Variants in PPFIA2 observed in about 807,000 individuals in gnomAD.
PPFIA2 encodes liprin-alpha-2.
Under a neutral mutation model 175.5 loss-of-function variants are expected in PPFIA2, and 46 were observed. The ratio of observed to expected loss-of-function variants is 0.26; its 90% CI spans 0.21 to 0.34. PPFIA2 has a LOEUF of 0.34. PPFIA2 is among the 10% of genes least tolerant of loss of function. PPFIA2 has a pLI of 1.00. For synonymous variants in PPFIA2, 568 were observed against 511.4 expected (o/e 1.11, Z -1.49); for missense variants, 1,179 against 1,506.1 (o/e 0.78, Z 3.60).
Position 81,415,560 on chromosome 12 carries a change from C to T in PPFIA2, c.646-9657G>A, listed in dbSNP as rs1406222346. Among the ~76,000 whole-genome samples, 3 of 148,594 alleles carry T rather than the reference C, an allele frequency of 2.0e-5. No homozygotes were observed. In the Admixed American group the frequency reaches 2.1e-4, roughly 10 times the overall value. ...TATCTAAATACACATGGAATTCAAA[C>T]TCAGTTAGTTTATAATGATTAAAAA... On this transcript the variant is annotated intron_variant, in intron 7 of 32. Coordinates refer to ENST00000549396, the MANE Select transcript of PPFIA2 (RefSeq NM_003625.5).
At position 81,545,095 on chromosome 12, in the gene PPFIA2, A is replaced by T. The variant is rs118111493; in HGVS notation, c.304-87229T>A. ...CTTCACAGGTTTTAGAAATAAAACA[A>T]TACATTTTCAGCCTTCCACAGTAAT... is the stretch of plus-strand genomic sequence containing the variant. On this transcript the variant is annotated intron_variant, in intron 4 of 32. Coordinates refer to ENST00000549396, the MANE Select transcript of PPFIA2 (RefSeq NM_003625.5). Among the ~76,000 whole-genome samples the T allele has an allele frequency of 6.5e-3, 944 of 144,518 alleles. 6 individuals carry two copies. The highest frequency in any genetic ancestry group is 0.014 in the Admixed American group (203 of 14,256). 94.8% of individuals were successfully genotyped at this position (144,518 alleles called of 152,430 possible).
At chr12:81,571,163 C>T (rs537168851) in intron 4 of PPFIA2, among the ~76,000 whole-genome samples, 2 of 151,970 alleles carry the variant, frequency 1.3e-5, no homozygotes, top group Admixed American at 6.6e-5. Context: ...GAGAATGATT[C>T]CAGGATTGAA....
intron 7 of PPFIA2, among the ~76,000 whole-genome samples, chr12:81,411,539 G>C (rs1373821169): frequency 1.3e-5 from 2 of 152,170 alleles, no homozygotes; most frequent in South Asian, 4.1e-4. Context: ...ACAACTGGTA[G>C]TCTTGGCGGC....
At chr12:81,566,644 C>A (rs1415946842) in intron 4 of PPFIA2, among the ~76,000 whole-genome samples, 2 of 151,560 alleles carry the variant, frequency 1.3e-5, no homozygotes, top group Non-Finnish European at 2.9e-5. Flanking sequence ...TTAGAGAGTG[C>A]TCACTTCAAG....
chr12:81,317,479 C>T (rs150653644), intron 22 of PPFIA2, among the ~76,000 whole-genome samples: 3 of 148,444 alleles, frequency 2.0e-5, no homozygotes, highest in African/African-American at 7.4e-5. Context: ...ATGGCTTGAG[C>T]TGGAAAGAAG....
At chr12:81,699,079 A>G (rs2076211880) in intron 3 of PPFIA2, among the ~76,000 whole-genome samples, 1 of 152,098 alleles carries the variant, frequency 6.6e-6, no homozygotes, top group South Asian at 2.1e-4. Context: ...TCTATTATAA[A>G]ACCACAGAAA....
intron 4 of PPFIA2, among the ~76,000 whole-genome samples, chr12:81,597,257 T>A (rs1284233847): frequency 6.6e-6 from 1 of 152,114 alleles, no homozygotes; most frequent in Non-Finnish European, 1.5e-5. Context: ...TAGTTTAGAC[T>A]TAGCCATTTT....
chr12:81,460,889 C>T (rs1193933634), intron 4 of PPFIA2, among the ~76,000 whole-genome samples: 1 of 152,060 alleles, frequency 6.6e-6, no homozygotes, highest in Non-Finnish European at 1.5e-5. Context: ...AGTTACACAC[C>T]TAGTCCATGA....
chr12:81,587,027 C>A (rs2075390938), intron 4 of PPFIA2, among the ~76,000 whole-genome samples: 2 of 151,446 alleles, frequency 1.3e-5, no homozygotes, highest in South Asian at 4.2e-4. Context: ...TTTTTATTTT[C>A]CAATGGTTTA....
chr12:81,669,316 A>G (rs1412054070), intron 4 of PPFIA2, among the ~76,000 whole-genome samples: 1 of 151,918 alleles, frequency 6.6e-6, no homozygotes, highest in Non-Finnish European at 1.5e-5. Context: ...TCCTTTTTCC[A>G]TGCAGTATGC....
At chr12:81,592,902 T>C (rs1049188152) in intron 4 of PPFIA2, among the ~76,000 whole-genome samples, 35 of 136,618 alleles carry the variant, frequency 2.6e-4, no homozygotes, top group Admixed American at 1.6e-3. Flanking sequence ...ACCACAGGTG[T>C]GTACCACCAT....
intron 4 of PPFIA2, among the ~76,000 whole-genome samples, chr12:81,519,682 C>A (rs1430424670): frequency 6.6e-6 from 1 of 152,164 alleles, no homozygotes; most frequent in Non-Finnish European, 1.5e-5. Flanking sequence ...AACTAACATG[C>A]TCCTAAAACC....
At chr12:81,473,426 A>T (rs1216945430) in intron 4 of PPFIA2, among the ~76,000 whole-genome samples, 1 of 152,148 alleles carries the variant, frequency 6.6e-6, no homozygotes, top group Admixed American at 6.6e-5. Context: ...CAAACAAAAA[A>T]ATTCCATATT....
intron 7 of PPFIA2, among the ~76,000 whole-genome samples, chr12:81,416,773 C>T (rs1263304332): frequency 1.3e-5 from 2 of 151,606 alleles, no homozygotes; most frequent in Non-Finnish European, 3.0e-5. Context: ...TAAATGACAA[C>T]TGACTGCAGT....
chr12:81,613,414 A>G (rs996655607), intron 4 of PPFIA2, among the ~76,000 whole-genome samples: 45 of 152,120 alleles, frequency 3.0e-4, no homozygotes, highest in African/African-American at 1.1e-3. Context: ...TGTATTATGT[A>G]GTGCACTTTT....
rs770005433 is a variant in PPFIA2, at chr12:81,262,013, T to C, written c.3743A>G (p.Asp1248Gly). The change falls in exon 32 of 33, where the codon GAC (aspartate) becomes GGC (glycine). Residue 1248 changes from aspartate (D) to glycine (G), a missense_variant. Physicochemically the swap from Asp to Gly is moderately conservative, Grantham distance 94 (BLOSUM62 -1). Coordinates refer to ENST00000549396, the MANE Select transcript of PPFIA2 (RefSeq NM_003625.5). ...DVASSRLQRL[D>G]NSTVRTYSC ...TGAGTATGTGCGAACAGTGGAGTTG[T>C]CTAACCTCTGCAGTCTTGATGAAGC... 3 of 1,605,814 alleles carry C rather than the reference T, an allele frequency of 1.9e-6. No homozygotes were observed. Among genetic ancestry groups the C allele is most frequent in the South Asian group, 1.1e-5 (1 of 89,150 alleles).
intron 4 of PPFIA2, among the ~76,000 whole-genome samples, chr12:81,565,133 C>T (rs542127635): frequency 2.0e-5 from 3 of 152,278 alleles, no homozygotes; most frequent in East Asian, 1.9e-4. Flanking sequence ...GTAGTGGTAA[C>T]ATCCCCTCCC....
intron 24 of PPFIA2, among the ~76,000 whole-genome samples, chr12:81,293,422 A>T (rs2045580574): frequency 6.6e-6 from 1 of 152,202 alleles, no homozygotes; most frequent in East Asian, 1.9e-4. Flanking sequence ...GATATTCCAG[A>T]TATTCCATTT....
At chr12:81,594,361 C>T (rs538059740) in intron 4 of PPFIA2, among the ~76,000 whole-genome samples, 1 of 152,192 alleles carries the variant, frequency 6.6e-6, no homozygotes, top group South Asian at 2.1e-4. Flanking sequence ...ATAGTTCTGA[C>T]AGATAATGTT....
Sources: gnomAD v4.1 joint callset for allele counts (sites outside exome capture counted in the v4.1 genomes callset) on GRCh38, gnomAD v4.1.1 for gene constraint, MANE v1.5 for transcripts, NCBI Gene and HGNC (gene_info 2026-07-23, HGNC 2026-07-21) for gene names.